The following PLCE1 variants were observed in gnomAD, a reference collection of about 807,000 sequenced individuals.
The protein encoded by PLCE1 is 1-phosphatidylinositol 4,5-bisphosphate phosphodiesterase epsilon-1.
In PLCE1, 119 loss-of-function variants were observed where a neutral mutation model predicts 242.8. The ratio of observed to expected loss-of-function variants is 0.49; its 90% CI spans 0.42 to 0.57. PLCE1 has a LOEUF of 0.57. Among genes scored for constraint, PLCE1 ranks in the 20% least tolerant of loss-of-function variants. The probability of loss-of-function intolerance (pLI) is 0.00; values close to 1 mark genes in which losing one functional copy is unlikely to be tolerated. For synonymous variants in PLCE1, 945 were observed against 1,017.4 expected, an observed-to-expected ratio of 0.93 and a Z score of 1.35; for missense variants, 2,441 against 2,788.8, an observed-to-expected ratio of 0.88 and a Z score of 2.81.
intron 2 of PLCE1, chr10:94,106,048 G>C (rs1357637541): frequency 6.6e-6 from 1 of 152,168 alleles, no homozygotes; most frequent in African/African-American, 2.4e-5. Context: ...TTTAAGATGA[G>C]GCAGAGCTGG....
At chr10:93,998,268 C>A (rs998408114) in intron 1 of PLCE1, among the ~76,000 whole-genome samples, 1 of 152,172 alleles carries the variant, frequency 6.6e-6, no homozygotes, top group Admixed American at 6.5e-5. Context: ...CCCAAGGTTT[C>A]TCCTTTGAGT....
intron 25 of PLCE1, among the ~76,000 whole-genome samples, chr10:94,305,808 T>G (rs1445229026): frequency 1.3e-5 from 2 of 152,232 alleles, no homozygotes; most frequent in Non-Finnish European, 2.9e-5. Flanking sequence ...AAATTTATGA[T>G]TATATTGCAT....
At chr10:94,018,090 T>C (rs1387802446) in intron 1 of PLCE1, among the ~76,000 whole-genome samples, 1 of 152,204 alleles carries the variant, frequency 6.6e-6, no homozygotes, top group Non-Finnish European at 1.5e-5. Context: ...TCTAGAGTAC[T>C]GGTTTGAAAA....
intron 17 of PLCE1, among the ~76,000 whole-genome samples, chr10:94,270,107 C>T (rs1020854448): frequency 5.3e-5 from 8 of 152,034 alleles, no homozygotes; most frequent in Non-Finnish European, 8.8e-5. Context: ...TGTCTTATTG[C>T]CTCAAATAAA....
At position 94,085,646 on chromosome 10, in the gene PLCE1, G is replaced by A. The variant is rs1293213965; in HGVS notation, c.1207-46528G>A. 5.3e-4 allele frequency among the ~76,000 whole-genome samples: 81 copies of A among 152,300 alleles called. 1 individual carries two copies. Among genetic ancestry groups the A allele is most frequent in the Non-Finnish European group, 1.0e-4 (7 of 68,034 alleles). Reference sequence around the variant, plus strand: ...AGCGGTTGCCTGACTTCCAGGGCTGGCACTAAAGGGGGAACTAGTCAGCCC... The same window carrying A: ...AGCGGTTGCCTGACTTCCAGGGCTGACACTAAAGGGGGAACTAGTCAGCCC... On this transcript the variant is annotated intron_variant, in intron 2 of 32. Coordinates refer to ENST00000371380, the MANE Select transcript of PLCE1 (RefSeq NM_016341.4).
At chr10:94,212,406 A>G (rs1056366030) in intron 4 of PLCE1, among the ~76,000 whole-genome samples, 9 of 152,222 alleles carry the variant, frequency 5.9e-5, no homozygotes, top group African/African-American at 2.2e-4. Flanking sequence ...ACAGGCATCC[A>G]CCACTACGCC....
chr10:94,298,705 T>C lies in PLCE1; in HGVS notation c.5458+36T>C. On this transcript the variant is annotated intron_variant, in intron 24 of 32. Coordinates refer to ENST00000371380, the MANE Select transcript of PLCE1 (RefSeq NM_016341.4). The surrounding 1 kb of genome is among the most constrained non-coding windows in gnomAD (Gnocchi z 5.2). ...TGCATGCTCACCTCGCTCCTTTGCATCTTACATTTCAGTAAATGCAGTTTG... is the reference window on the plus strand; with the variant it reads ...TGCATGCTCACCTCGCTCCTTTGCACCTTACATTTCAGTAAATGCAGTTTG... 6.2e-7 allele frequency: 1 copy of C among 1,610,804 alleles called. No individual in the cohort carries two copies.
At chr10:94,242,230 G>A (rs1162134382) in intron 7 of PLCE1, among the ~76,000 whole-genome samples, 1 of 152,086 alleles carries the variant, frequency 6.6e-6, no homozygotes, top group Non-Finnish European at 1.5e-5. Flanking sequence ...TTATTATGAA[G>A]TAACATTAGG....
At position 94,325,124 on chromosome 10, in the gene PLCE1, C is replaced by A; in HGVS notation, c.*24+20C>A. On this transcript the variant is annotated intron_variant, in intron 32 of 32. Transcript: ENST00000371380. Reference sequence around the variant, plus strand: ...ACCCAGGTATAGTAAGTCATTGCACCATCCTGGAACAGGGCTTAACTTAAA... The same window carrying A: ...ACCCAGGTATAGTAAGTCATTGCACAATCCTGGAACAGGGCTTAACTTAAA... 1 of 1,513,248 alleles carries A rather than the reference C, an allele frequency of 6.6e-7. No individual in the cohort carries two copies. The highest frequency in any genetic ancestry group is 9.2e-7 in the Non-Finnish European group (1 of 1,088,182). 93.7% of individuals were successfully genotyped at this position (1,513,248 alleles called of 1,614,324 possible).
intron 4 of PLCE1, among the ~76,000 whole-genome samples, chr10:94,215,915 G>A (rs955938654): frequency 6.6e-6 from 1 of 151,760 alleles, no homozygotes; most frequent in South Asian, 2.1e-4. Flanking sequence ...AATGAGACCC[G>A]AACTCAAATA....
chr10:94,080,259 T>C (rs961663017), intron 2 of PLCE1, among the ~76,000 whole-genome samples: 7 of 152,198 alleles, frequency 4.6e-5, no homozygotes, highest in Admixed American at 2.6e-4. Context: ...AACTCCTCTC[T>C]GCCTCAGGCC....
intron 14 of PLCE1, 62 bp downstream of exon 14, chr10:94,262,794 T>G: frequency 9.5e-7 from 1 of 1,055,068 alleles, no homozygotes; most frequent in Admixed American, 1.7e-5. Context: ...AATAATTTGC[T>G]GCTAAATGTT....
chr10:94,119,110 A>G (rs1034359886), intron 2 of PLCE1, among the ~76,000 whole-genome samples: 3 of 152,256 alleles, frequency 2.0e-5, no homozygotes, highest in African/African-American at 7.2e-5. Flanking sequence ...CCTTGTGAGT[A>G]CAAATGAAGT....
chr10:94,015,604 G>C (rs2134314360), intron 1 of PLCE1, among the ~76,000 whole-genome samples: 1 of 152,304 alleles, frequency 6.6e-6, no homozygotes, highest in South Asian at 2.1e-4. Context: ...AGTCGTTTGA[G>C]AGTGAGGCTT....
intron 2 of PLCE1, among the ~76,000 whole-genome samples, chr10:94,103,157 G>T (rs138169234): frequency 6.6e-6 from 1 of 152,198 alleles, no homozygotes; most frequent in African/African-American, 2.4e-5. Flanking sequence ...TGACTGTCAG[G>T]TGTCATGCTG....
chr10:94,308,197 A>G (rs191845113), intron 26 of PLCE1, among the ~76,000 whole-genome samples: 1 of 152,364 alleles, frequency 6.6e-6, no homozygotes, highest in African/African-American at 2.4e-5. Context: ...ACCATAAATT[A>G]TAACCAATCT....
chr10:94,246,294 G>C lies in PLCE1; in HGVS notation c.2769G>C (p.Leu923=). ...NTAEPGKFPL[L]GNAGLSSLTE... ...CTGAGCCTGGAAAATTCCCACTACT[G>C]GGTAATGCTGGATTAAGTAGCCTGA... The change falls in exon 8 of 33, where the codon CTG becomes CTC. Residue 923 remains leucine, a synonymous_variant. Coordinates refer to ENST00000371380, the MANE Select transcript of PLCE1 (RefSeq NM_016341.4). 6.2e-7 allele frequency: 1 copy of C among 1,614,158 alleles called. No homozygotes were observed. Among genetic ancestry groups the C allele is most frequent in the Non-Finnish European group, 8.5e-7 (1 of 1,180,014 alleles).
chr10:94,016,116 T>C (rs2134319558), intron 1 of PLCE1, among the ~76,000 whole-genome samples: 1 of 152,258 alleles, frequency 6.6e-6, no homozygotes, highest in East Asian at 1.9e-4. Flanking sequence ...GGCAGTATGA[T>C]TTTCCATGAT....
chr10:94,089,101 T>A (rs1451459681), intron 2 of PLCE1: 2 of 1,613,714 alleles, frequency 1.2e-6, no homozygotes, highest in South Asian at 2.2e-5. Flanking sequence ...ATTAATGGTT[T>A]CAGAAGGAAG....
Sources: allele counts gnomAD v4.1 joint callset (sites outside exome capture counted in the v4.1 genomes callset), GRCh38; gene constraint gnomAD v4.1.1; non-coding constraint Gnocchi (gnomAD v3.1); transcripts MANE v1.5; gene names NCBI Gene and HGNC (gene_info 2026-07-23, HGNC 2026-07-21).